WASHC2A: variants seen among roughly 807,000 people sequenced by gnomAD.
WASHC2A encodes the protein WASH complex subunit FAM21A.
Under a neutral mutation model 140.3 loss-of-function variants are expected in WASHC2A, and 82 were observed. The observed-to-expected ratio is 0.58, with a 90% confidence interval of 0.49 to 0.70. WASHC2A has a LOEUF of 0.70. WASHC2A is among the 30% of genes least tolerant of loss of function. The pLI is 0.00. For missense variants in WASHC2A, 985 were observed against 1,521.8 expected (o/e 0.65, Z 5.87); for synonymous variants, 340 against 560.8 (o/e 0.61, Z 5.56).
chr10:50,090,526 A>ATATATATT (rs1839826691), intron 8 of WASHC2A, among the ~76,000 whole-genome samples: 1 of 140,436 alleles, frequency 7.1e-6, no homozygotes, highest in Non-Finnish European at 1.5e-5. Context: ...ATATATATAT[A>ATATATATT]TATATTTATA....
intron 21 of WASHC2A, among the ~76,000 whole-genome samples, chr10:50,116,309 A>AT (rs1842668618): frequency 1.2e-5 from 1 of 80,340 alleles, no homozygotes; most frequent in African/African-American, 5.5e-5. Flanking sequence ...TTTGCATTGA[A>AT]TTATTATTAT....
rs1487596302 is a variant in WASHC2A at position 50,078,676 on chromosome 10, G to A, written c.293G>A (p.Arg98His). ...MLSNTQFIEN[R>H]VYDEEVEEPV... is the part of the protein sequence containing the mutation. Reference sequence around the variant, plus strand: ...CATTGAGTTTGCTTCCATATTTAGCGTGTATATGATGAAGAAGTGGAGGAG... The same window carrying A: ...CATTGAGTTTGCTTCCATATTTAGCATGTATATGATGAAGAAGTGGAGGAG... Residue 98 changes from arginine to histidine, a missense_variant and splice_region_variant, in exon 4 of 31, where the codon CGT becomes CAT. By Grantham distance (29) the Arg-to-His change is conservative. Coordinates refer to ENST00000282633, the MANE Select transcript of WASHC2A (RefSeq NM_001005751.3). The A allele has an allele frequency of 1.5e-5, 24 of 1,611,666 alleles. 1 individual carries two copies. The highest frequency in any genetic ancestry group is 5.0e-5 in the Admixed American group (3 of 59,968).
intron 20 of WASHC2A, chr10:50,112,102 C>T (rs1842338668): frequency 2.4e-5 from 24 of 985,034 alleles, no homozygotes; most frequent in Non-Finnish European, 2.7e-5. Flanking sequence ...GTCATGGCTC[C>T]ACCTTCATAC....
intron 29 of WASHC2A, among the ~76,000 whole-genome samples, 189 bp downstream of exon 29, chr10:50,130,228 A>G (rs1843821853): frequency 6.6e-6 from 1 of 150,654 alleles, no homozygotes; most frequent in African/African-American, 2.4e-5. Context: ...GTTTTGTTGC[A>G]TGTAGATTGT....
chr10:50,075,307 G>GT (rs1306948892), intron 3 of WASHC2A, among the ~76,000 whole-genome samples: 4 of 151,034 alleles, frequency 2.6e-5, no homozygotes, highest in Non-Finnish European at 5.9e-5. Flanking sequence ...AGCATCAGTG[G>GT]TTTTGTATCT....
At chr10:50,106,531 C>T in intron 19 of WASHC2A, 66 bp downstream of exon 19, 1 of 1,597,576 alleles carries the variant, frequency 6.3e-7, no homozygotes, top group Non-Finnish European at 8.5e-7. Context: ...AAAGCCATCC[C>T]AAGTCTTTTT....
At chr10:50,105,936 A>T (rs1223678374) in intron 18 of WASHC2A, among the ~76,000 whole-genome samples, 8 of 151,662 alleles carry the variant, frequency 5.3e-5, no homozygotes, top group Non-Finnish European at 1.2e-4. Context: ...CTGGTTTCTC[A>T]TTCGTGGAGA....
intron 4 of WASHC2A, 29 bp downstream of exon 4, chr10:50,078,766 G>A (rs1838616601): frequency 1.9e-6 from 3 of 1,609,994 alleles, no homozygotes; most frequent in African/African-American, 2.7e-5. Flanking sequence ...TCTTAGCTGA[G>A]TTTCTGACTT....
At chr10:50,104,608 C>T (rs1450292649) in intron 18 of WASHC2A, among the ~76,000 whole-genome samples, 16 of 152,090 alleles carry the variant, frequency 1.1e-4, no homozygotes, top group African/African-American at 1.4e-4. Context: ...CCGCCTGCCT[C>T]GGCCTCCCTA....
chr10:50,091,909 ATTCT>A (rs1485205283), intron 10 of WASHC2A, among the ~76,000 whole-genome samples: 1 of 152,174 alleles, frequency 6.6e-6, no homozygotes, highest in Non-Finnish European at 1.5e-5. Flanking sequence ...TAACACAATA[ATTCT>A]TTCAACAAAT....
Position 50,127,721 on chromosome 10 carries a change from C to G in WASHC2A, c.3013C>G (p.Leu1005Val), listed in dbSNP as rs1242188457. ...CCACGGTCTGGAAAGTGTGCCTGTC[C>G]TTCCCGGGAGTGGGGAGGCCGGTGT... ...RSHGLESVPVLPGSGEAGVSF... is the reference protein window; with the variant it reads ...RSHGLESVPVVPGSGEAGVSF... The change falls in exon 28 of 31, where the codon CTT becomes GTT. Residue 1005 changes from leucine (L) to valine (V), a missense_variant. Leu to Val is a conservative substitution (Grantham distance 32). Coordinates refer to ENST00000282633, the MANE Select transcript of WASHC2A (RefSeq NM_001005751.3). 35 of 1,569,648 alleles carry G rather than the reference C, an allele frequency of 2.2e-5. No individual in the cohort carries two copies. The highest frequency in any genetic ancestry group is 2.9e-5 in the Non-Finnish European group (33 of 1,153,966).
At chr10:50,092,777 C>T (rs1265555696) in intron 11 of WASHC2A, among the ~76,000 whole-genome samples, 3 of 151,870 alleles carry the variant, frequency 2.0e-5, no homozygotes, top group Non-Finnish European at 2.9e-5. Flanking sequence ...TTCTTGTCTT[C>T]CTAGAATTCT....
At chr10:50,074,766 A>C (rs1442946063) in intron 3 of WASHC2A, among the ~76,000 whole-genome samples, 1 of 152,060 alleles carries the variant, frequency 6.6e-6, no homozygotes, top group African/African-American at 2.4e-5. Flanking sequence ...ATACAAAAAA[A>C]TTAGCCAGGC....
rs1344786645 is a variant in WASHC2A at position 50,133,261 on chromosome 10, A to G, written c.*316A>G. The G allele has an allele frequency of 6.9e-6, 4 of 576,864 alleles. No individual in the cohort carries two copies. The highest frequency in any genetic ancestry group is 4.1e-5 in the East Asian group (1 of 24,256). 35.7% of individuals were successfully genotyped at this position (576,864 alleles called of 1,614,324 possible). A position where few individuals can be genotyped will look rare whatever the true frequency, so the allele number is the denominator to read the frequency against. ...TCTTTGTGGCTTTCATGGGCAGGGA[A>G]TCCCAGAGATAGCAAATGCCACCTG... On this transcript the variant is annotated 3_prime_UTR_variant, in exon 31 of 31. Coordinates refer to ENST00000282633, the MANE Select transcript of WASHC2A (RefSeq NM_001005751.3).
At chr10:50,130,378 TG>T (rs1021790082) in intron 29 of WASHC2A, among the ~76,000 whole-genome samples, 1 of 146,012 alleles carries the variant, frequency 6.8e-6, no homozygotes, top group African/African-American at 2.5e-5. Flanking sequence ...TGGTCCAGCT[TG>T]GGAGTTTAAC....
At position 50,087,431 on chromosome 10, in the gene WASHC2A, G is replaced by T. The variant is rs1425032881; in HGVS notation, c.732+109G>T. ...TATGACCAAGTGAGGATTTTTTCTTGTATACAATTTATTTTCCTTTAAGCA... is the reference window on the plus strand; with the variant it reads ...TATGACCAAGTGAGGATTTTTTCTTTTATACAATTTATTTTCCTTTAAGCA... On this transcript the variant is annotated intron_variant, in intron 8 of 30. Transcript: ENST00000282633. 9.5e-4 allele frequency: 1,307 copies of T among 1,374,704 alleles called. 8 individuals are homozygous for T. In the African/African-American group the frequency reaches 0.014, roughly 15 times the overall value. 85.2% of individuals were successfully genotyped at this position (1,374,704 alleles called of 1,614,324 possible).
intron 17 of WASHC2A, among the ~76,000 whole-genome samples, chr10:50,103,417 A>G (rs1480208325): frequency 3.3e-5 from 5 of 152,024 alleles, no homozygotes; most frequent in Non-Finnish European, 2.9e-5. Context: ...AAAATTAGCC[A>G]GGCGTGGTGG....
At chr10:50,131,571 T>C (rs1843975529) in intron 30 of WASHC2A, among the ~76,000 whole-genome samples, 1 of 152,210 alleles carries the variant, frequency 6.6e-6, no homozygotes, top group Non-Finnish European at 1.5e-5. Context: ...CTTTGGTGTT[T>C]GGGAACAAGC....
chr10:50,127,032 A>T, intron 26 of WASHC2A, 128 bp from the exon 27 acceptor site: 2 of 1,079,606 alleles, frequency 1.9e-6, no homozygotes, highest in East Asian at 4.7e-5. Context: ...AGAGATTTGA[A>T]TGCCTTTCCC....
Sources: gnomAD v4.1 joint callset for allele counts (sites outside exome capture counted in the v4.1 genomes callset) on GRCh38, gnomAD v4.1.1 for gene constraint, MANE v1.5 for transcripts, NCBI Gene and HGNC (gene_info 2026-07-23, HGNC 2026-07-21) for gene names.